The following PARVB variants were observed in gnomAD, a reference collection of about 807,000 sequenced individuals.
PARVB encodes the protein parvin beta, also known as beta-parvin.
PARVB carries 46 observed loss-of-function variants against 47.0 expected under a neutral mutation model. The observed-to-expected ratio is 0.98, with a 90% confidence interval of 0.77 to 1.25. PARVB has a LOEUF of 1.25. PARVB is among the 50% of genes most tolerant of loss of function. The pLI is 0.00. For synonymous variants in PARVB, 196 were observed against 196.3 expected (o/e 1.00, Z 0.01); for missense variants, 473 against 471.6 (o/e 1.00, Z -0.03).
intron 4 of PARVB, among the ~76,000 whole-genome samples, chr22:44,119,604 T>G (rs1439245980): frequency 6.6e-6 from 1 of 152,166 alleles, no homozygotes; most frequent in Non-Finnish European, 1.5e-5. Context: ...GGCAGTTTAG[T>G]GATCTTCCCG....
At chr22:44,048,072 A>G (rs998531261) in intron 1 of PARVB, among the ~76,000 whole-genome samples, 2 of 152,052 alleles carry the variant, frequency 1.3e-5, no homozygotes, top group African/African-American at 4.8e-5. Context: ...TTGCAGTTGG[A>G]GAGGATGGGG....
At chr22:44,079,000 A>T (rs1037664794) in intron 1 of PARVB, among the ~76,000 whole-genome samples, 2 of 152,162 alleles carry the variant, frequency 1.3e-5, no homozygotes, top group African/African-American at 4.8e-5. Context: ...GTGCTGGGAT[A>T]ACAGGCGTGA....
chr22:44,159,604 T>G (rs1453517741), intron 11 of PARVB, among the ~76,000 whole-genome samples: 4 of 152,194 alleles, frequency 2.6e-5, no homozygotes, highest in African/African-American at 9.7e-5. Flanking sequence ...AACACTCTCC[T>G]TCGGAGGATG....
chr22:44,132,953 T>C lies in PARVB; in HGVS notation c.577T>C (p.Phe193Leu). 1 of 1,614,162 alleles carries C rather than the reference T, an allele frequency of 6.2e-7. No homozygotes were observed. Among genetic ancestry groups the C allele is most frequent in the African/African-American group, 1.3e-5 (1 of 75,052 alleles). The change falls in exon 6 of 13, where the codon TTC (phenylalanine) becomes CTC (leucine). Residue 193 changes from phenylalanine to leucine, a missense_variant. Transcript: ENST00000338758. ...LHLLVSLAMHFRAPIRLPEHV... is the reference protein window; with the variant it reads ...LHLLVSLAMHLRAPIRLPEHV... ...CCTGCTGGTCTCTCTGGCCATGCAC[T>C]TCAGGGCCCCCATCCGCCTTCCTGA...
In PARVB at chr22:44,169,299, G is replaced by A. The variant is rs1005731367; in HGVS notation, c.*621G>A. 1.3e-5 allele frequency: 2 copies of A among 150,418 alleles called. No homozygotes were observed. The highest frequency in any genetic ancestry group is 5.0e-5 in the African/African-American group (2 of 39,610). The allele number at this position is 150,418 out of a possible 1,614,324, so 9.3% of individuals were successfully genotyped here. ...CATTCCTATCACTTCTTGGTCACTC[G>A]TTTTAATGTAGGTTTTGCACAAACA... On this transcript the variant is annotated 3_prime_UTR_variant, in exon 13 of 13. Coordinates refer to ENST00000338758, the MANE Select transcript of PARVB (RefSeq NM_013327.5).
At position 44,155,690 on chromosome 22, in the gene PARVB, C is replaced by T. The variant is rs566680389; in HGVS notation, c.844-2292C>T. 2.3e-3 allele frequency among the ~76,000 whole-genome samples: 343 copies of T among 152,244 alleles called. 1 individual carries two copies. Among genetic ancestry groups the T allele is most frequent in the African/African-American group, 6.3e-3 (262 of 41,544 alleles). ...TTGTTCTGCTGGGAAGGTGCCAGCA[C>T]GCTTAACCAGGGTGCTGTGGGCATG... On this transcript the variant is annotated intron_variant, in intron 10 of 12. Transcript: ENST00000338758. The surrounding 1 kb of genome is among the most constrained non-coding windows in gnomAD (Gnocchi z 4.8).
chr22:44,053,313 C>G (rs1169759726), intron 1 of PARVB, among the ~76,000 whole-genome samples: 1 of 151,992 alleles, frequency 6.6e-6, no homozygotes, highest in Non-Finnish European at 1.5e-5. Context: ...CGAACTCCTG[C>G]CCTCATGATC....
chr22:44,048,694 T>C (rs1327780392), intron 1 of PARVB, among the ~76,000 whole-genome samples: 1 of 152,192 alleles, frequency 6.6e-6, no homozygotes, highest in Non-Finnish European at 1.5e-5. Context: ...CCCAAGTAGC[T>C]GGGATGACAG....
rs141370571 is a variant in PARVB, at chr22:44,147,841, C to T, written c.713-20C>T. ...GGTTTCCATAAACGCTCCTTCGTGT[C>T]TCTCTTTGCATGTCCTCAGAGCGGG... On this transcript the variant is annotated intron_variant, in intron 8 of 12. Transcript: ENST00000338758. 131 of 1,612,388 alleles carry T rather than the reference C, an allele frequency of 8.1e-5. No homozygotes were observed. The African/African-American group carries it at 1.6e-3, about 19-fold the overall frequency.
At chr22:44,147,964 C>G in intron 9 of PARVB, 42 bp downstream of exon 9, 3 of 1,557,732 alleles carry the variant, frequency 1.9e-6, no homozygotes, top group South Asian at 1.1e-5. Context: ...TCCCCTGGCT[C>G]GCGGCTTTTT....
intron 4 of PARVB, chr22:44,119,696 A>T: frequency 2.1e-6 from 1 of 478,998 alleles, no homozygotes; most frequent in Non-Finnish European, 4.3e-6. Flanking sequence ...AGGGCTGGGT[A>T]CCAGGGATAC....
Position 44,049,294 on chromosome 22 carries a change from C to G in PARVB, c.112+24843C>G, listed in dbSNP as rs747969049. Among the ~76,000 whole-genome samples, 2 of 152,114 alleles carry G rather than the reference C, an allele frequency of 1.3e-5. No homozygotes were observed. Among genetic ancestry groups the G allele is most frequent in the Non-Finnish European group, 2.9e-5 (2 of 68,014 alleles). On this transcript the variant is annotated intron_variant, in intron 1 of 12. Coordinates refer to ENST00000338758, the MANE Select transcript of PARVB (RefSeq NM_013327.5). This position sits in a 1 kb window ranked among gnomAD's most constrained non-coding sequence, Gnocchi z 4.0. ...GTCAGAATGAACAATACCCATAGTG[C>G]TTGGCGTAGACAATCAGCAAAGCTA...
chr22:43,999,852 A>C (rs990646498), intron 2 of PARVB, among the ~76,000 whole-genome samples: 3 of 149,812 alleles, frequency 2.0e-5, no homozygotes, highest in Non-Finnish European at 4.4e-5. Context: ...AAAAAAAAAA[A>C]AAAAAACAGC....
chr22:44,159,931 G>A (rs182726097), intron 11 of PARVB, among the ~76,000 whole-genome samples: 298 of 152,294 alleles, frequency 2.0e-3, no homozygotes, highest in African/African-American at 6.9e-3. Flanking sequence ...TTGGGAGGAG[G>A]GACTGAGGTT....
chr22:44,166,420 T>A (rs1032083586), intron 12 of PARVB, among the ~76,000 whole-genome samples: 1 of 152,104 alleles, frequency 6.6e-6, no homozygotes, highest in Admixed American at 6.5e-5. Context: ...CTTTGTCCCG[T>A]TTTTGAGGAG....
At chr22:44,062,075 G>A (rs966865079) in intron 1 of PARVB, among the ~76,000 whole-genome samples, 6 of 152,206 alleles carry the variant, frequency 3.9e-5, no homozygotes, top group Admixed American at 3.3e-4. Flanking sequence ...AGCACTGTAG[G>A]AGGAACCTGC....
intron 1 of PARVB, among the ~76,000 whole-genome samples, chr22:44,045,972 G>A (rs760311011): frequency 2.0e-5 from 3 of 152,210 alleles, no homozygotes; most frequent in Non-Finnish European, 4.4e-5. Context: ...TGGAATTTTG[G>A]GAGGAATTGT....
In PARVB at chr22:44,093,984, C is replaced by G; in HGVS notation, c.169C>G (p.Leu57Val). The G allele has an allele frequency of 1.2e-6, 2 of 1,613,158 alleles. No homozygotes were observed. The highest frequency in any genetic ancestry group is 1.7e-6 in the Non-Finnish European group (2 of 1,179,094). Residue 57 changes from leucine to valine, a missense_variant, in exon 2 of 13, where the codon CTG (leucine) becomes GTG (valine). Leu to Val is a conservative substitution (Grantham distance 32, BLOSUM62 1). Coordinates refer to ENST00000338758, the MANE Select transcript of PARVB (RefSeq NM_013327.5). ...NAINSPMSPA[L>V]VDVHPEDTQL... is the part of the protein sequence containing the mutation. ...CATCAACTCACCGATGTCCCCCGCC[C>G]TGGTGGATGTTCACCCTGAAGACAC...
At chr22:44,026,906 G>A (rs2050740380) in intron 1 of PARVB, among the ~76,000 whole-genome samples, 1 of 152,116 alleles carries the variant, frequency 6.6e-6, no homozygotes, top group Non-Finnish European at 1.5e-5. Context: ...AAGGCACGGA[G>A]GGACTTTTGG....
Sources: gnomAD v4.1 joint callset for allele counts (sites outside exome capture counted in the v4.1 genomes callset) on GRCh38, gnomAD v4.1.1 for gene constraint, Gnocchi (gnomAD v3.1) non-coding constraint, MANE v1.5 for transcripts, NCBI Gene and HGNC (gene_info 2026-07-23, HGNC 2026-07-21) for gene names.